Variants in MARCO observed in about 807,000 individuals in gnomAD.
MARCO encodes macrophage receptor MARCO.
In MARCO, 72 loss-of-function variants were observed where a neutral mutation model predicts 70.0. That is an observed-to-expected ratio of 1.03 (90% CI 0.85 to 1.25). MARCO has a LOEUF of 1.25. Ranked by LOEUF, MARCO falls within the 50% of genes most tolerant of loss-of-function variation. The probability of loss-of-function intolerance (pLI) is 0.00; values close to 1 mark genes in which losing one functional copy is unlikely to be tolerated. For missense variants in MARCO, 696 were observed against 659.3 expected, an observed-to-expected ratio of 1.06 and a Z score of -0.61; for synonymous variants, 273 against 243.1, an observed-to-expected ratio of 1.12 and a Z score of -1.14.
intron 1 of MARCO, among the ~76,000 whole-genome samples, chr2:118,963,217 G>A (rs576337010): frequency 6.6e-6 from 1 of 151,570 alleles, no homozygotes; most frequent in South Asian, 2.1e-4. Context: ...TATTTTTGGT[G>A]TAAGCAGTTC....
chr2:118,946,584 G>A (rs62157374), intron 1 of MARCO, among the ~76,000 whole-genome samples: 3,387 of 152,172 alleles, frequency 0.022, 75 homozygotes, highest in Middle Eastern at 0.041. Context: ...AAGGACATTT[G>A]GGTTGTTTTC....
At chr2:118,982,518 TGCCTTG>T (rs977071127) in intron 12 of MARCO, 108 bp downstream of exon 12, 8 of 1,082,382 alleles carry the variant, frequency 7.4e-6, no homozygotes, top group Admixed American at 3.6e-5. Flanking sequence ...GGGTCTTCTG[TGCCTTG>T]GCCTCTGAGG....
intron 12 of MARCO, among the ~76,000 whole-genome samples, chr2:118,982,704 C>G (rs571653291): frequency 6.6e-6 from 1 of 152,286 alleles, no homozygotes; most frequent in East Asian, 1.9e-4. Flanking sequence ...TGGTCTGCCT[C>G]CCAGCTGTAC....
At chr2:118,952,233 A>G (rs368364481) in intron 1 of MARCO, among the ~76,000 whole-genome samples, 3 of 152,024 alleles carry the variant, frequency 2.0e-5, no homozygotes, top group Non-Finnish European at 4.4e-5. Flanking sequence ...GGAAGGCTCA[A>G]CCCCTCAAAC....
rs182495606 is a variant in MARCO at position 118,961,879 on chromosome 2, T to C, written c.98-7281T>C. On this transcript the variant is annotated intron_variant, in intron 1 of 16. Coordinates refer to ENST00000327097, the MANE Select transcript of MARCO (RefSeq NM_006770.4). Reference sequence around the variant, plus strand: ...TTTACATTTAAGTCTTTAATCCATCTTGAGTTAATTTTTGTATAAGATGTA... The same window carrying C: ...TTTACATTTAAGTCTTTAATCCATCCTGAGTTAATTTTTGTATAAGATGTA... Among the ~76,000 whole-genome samples, 1,315 of 152,320 alleles carry C rather than the reference T, an allele frequency of 8.6e-3. 16 individuals are homozygous for C. Among genetic ancestry groups the C allele is most frequent in the African/African-American group, 0.029 (1,194 of 41,574 alleles).
intron 12 of MARCO, 117 bp downstream of exon 12, chr2:118,982,527 C>T: frequency 1.0e-6 from 1 of 990,936 alleles, no homozygotes; most frequent in Admixed American, 1.9e-5. Context: ...GTGCCTTGGC[C>T]TCTGAGGTTC....
intron 4 of MARCO, among the ~76,000 whole-genome samples, chr2:118,973,139 C>T (rs1371892038): frequency 6.6e-6 from 1 of 151,852 alleles, no homozygotes. Context: ...CTCCGACTCT[C>T]TCCATGTCTC....
chr2:118,945,404 CTTTTT>C (rs55684033), intron 1 of MARCO, among the ~76,000 whole-genome samples: 43 of 123,060 alleles, frequency 3.5e-4, no homozygotes, highest in African/African-American at 8.8e-4. Flanking sequence ...CCTCTTGTTT[CTTTTT>C]TTTTTTTTTT....
intron 1 of MARCO, among the ~76,000 whole-genome samples, chr2:118,944,545 A>G (rs1303498100): frequency 6.6e-6 from 1 of 152,184 alleles, no homozygotes; most frequent in Non-Finnish European, 1.5e-5. Context: ...ATGGTTCATG[A>G]AAAACAGCAC....
rs919883985 is a variant in MARCO at position 118,991,881 on chromosome 2, G to A, written c.1207+6G>A. 3 of 1,582,478 alleles carry A rather than the reference G, an allele frequency of 1.9e-6. No individual in the cohort carries two copies. The highest frequency in any genetic ancestry group is 8.6e-7 in the Non-Finnish European group (1 of 1,163,102). Reference sequence around the variant, plus strand: ...GGGAGACCAGGGAGTGAAAGGTAAGGCCTCTGCATCTGATTCCTTTGTTCT... The same window carrying A: ...GGGAGACCAGGGAGTGAAAGGTAAGACCTCTGCATCTGATTCCTTTGTTCT... On this transcript the variant is annotated splice_donor_region_variant and intron_variant, in intron 14 of 16. Transcript: ENST00000327097.
chr2:118,986,596 A>AGAAAGAAAGAAAGAAG lies in MARCO; in HGVS notation c.1064-3978_1064-3977insGGAAAGAAAGAAAGAA, dbSNP rs1463595739. 1.4e-3 allele frequency among the ~76,000 whole-genome samples: 17 copies of AGAAAGAAAGAAAGAAG among 12,334 alleles called. 1 individual carries two copies. The highest frequency in any genetic ancestry group is 5.9e-3 in the East Asian group (2 of 340). 8.1% of individuals were successfully genotyped at this position (12,334 alleles called of 152,430 possible). On this transcript the variant is annotated intron_variant, in intron 12 of 16. Transcript: ENST00000327097. ...AGGGAGGGAAGGAAAGAAGAAAGAA[A>AGAAAGAAAGAAAGAAG]GAAAGAAAGAAAGAAAGAAAGAAAG... is the stretch of plus-strand genomic sequence containing the variant.
At chr2:118,977,645 CCTCTT>C (rs1383891498) in intron 7 of MARCO, 130 bp downstream of exon 7, 2 of 805,758 alleles carry the variant, frequency 2.5e-6, no homozygotes, top group Non-Finnish European at 4.0e-6. Flanking sequence ...ACCCTACAGT[CCTCTT>C]CTCTTGAGTC....
intron 4 of MARCO, 133 bp from the exon 5 acceptor site, chr2:118,974,200 T>C (rs1481422296): frequency 1.5e-6 from 1 of 675,970 alleles, no homozygotes; most frequent in Non-Finnish European, 2.6e-6. Context: ...TCTTCTTTCC[T>C]TCTTTCCACA....
At chr2:118,949,730 T>C (rs139142291) in intron 1 of MARCO, 1 of 152,210 alleles carries the variant, frequency 6.6e-6, no homozygotes, top group African/African-American at 2.4e-5. Flanking sequence ...ATAATGGCAC[T>C]TGCTTGACTC....
At chr2:118,984,774 A>G (rs947827183) in intron 12 of MARCO, among the ~76,000 whole-genome samples, 4 of 152,332 alleles carry the variant, frequency 2.6e-5, no homozygotes, top group African/African-American at 4.8e-5. Context: ...CAATCTCCCC[A>G]TCATGGAGCA....
At chr2:118,956,825 T>C (rs1679846906) in intron 1 of MARCO, among the ~76,000 whole-genome samples, 1 of 152,094 alleles carries the variant, frequency 6.6e-6, no homozygotes, top group Non-Finnish European at 1.5e-5. Context: ...AAACTGGAAA[T>C]CAATTCCAAA....
At chr2:118,964,757 G>A (rs62157408) in intron 1 of MARCO, among the ~76,000 whole-genome samples, 17,648 of 151,694 alleles carry the variant, frequency 0.12, 1,461 homozygotes, top group African/African-American at 0.23. Context: ...GCATGGTGGC[G>A]TGCACCTGTA....
rs554932602 is a variant in MARCO, at chr2:118,942,592, G to A, written c.97+195G>A. ...GCTAATAATAGATGCTGTATTTTTA[G>A]CATATAGTCAGGTTTTTCTTAGCTT... On this transcript the variant is annotated intron_variant, in intron 1 of 16. Transcript: ENST00000327097. Among the ~76,000 whole-genome samples, 35 of 152,214 alleles carry A rather than the reference G, an allele frequency of 2.3e-4. 1 individual carries two copies. Among genetic ancestry groups the A allele is most frequent in the African/African-American group, 8.2e-4 (34 of 41,524 alleles).
chr2:118,953,593 A>C (rs1573377249), intron 1 of MARCO, among the ~76,000 whole-genome samples: 1 of 152,256 alleles, frequency 6.6e-6, no homozygotes, highest in Non-Finnish European at 1.5e-5. Context: ...TCTGCTCCAG[A>C]CAGAGCAGCA....
Sources: gnomAD v4.1 joint callset for allele counts (sites outside exome capture counted in the v4.1 genomes callset) on GRCh38, gnomAD v4.1.1 for gene constraint, MANE v1.5 for transcripts, NCBI Gene and HGNC (gene_info 2026-07-23, HGNC 2026-07-21) for gene names.